The following IRAK2 variants were observed in gnomAD, a reference collection of about 807,000 sequenced individuals.
IRAK2 encodes the protein interleukin 1 receptor associated kinase 2, also known as interleukin-1 receptor-associated kinase-like 2.
A neutral mutation model predicts 72.0 loss-of-function variants in IRAK2; 57 were observed. The observed-to-expected ratio is 0.79, with a 90% CI of 0.64 to 0.99. The LOEUF is 0.99. Ranked by LOEUF, IRAK2 falls within the 50% of genes least tolerant of loss-of-function variation. The probability of loss-of-function intolerance (pLI) is 0.00; values close to 1 mark genes in which losing one functional copy is unlikely to be tolerated. For missense variants in IRAK2, 790 were observed against 794.4 expected (o/e 0.99, Z 0.07); for synonymous variants, 293 against 312.7 (o/e 0.94, Z 0.67).
chr3:10,169,922 T>A (rs2125138988), intron 1 of IRAK2, among the ~76,000 whole-genome samples: 1 of 152,302 alleles, frequency 6.6e-6, no homozygotes, highest in African/African-American at 2.4e-5. Flanking sequence ...AAGTATTAAT[T>A]TTGGGAACTG....
At chr3:10,237,994 C>T (rs1490332319) in intron 11 of IRAK2, among the ~76,000 whole-genome samples, 3 of 142,606 alleles carry the variant, frequency 2.1e-5, no homozygotes, top group South Asian at 2.3e-4. Context: ...TCCTTGCTTC[C>T]GTCTAATTTT....
Position 10,242,585 on chromosome 3 carries a change from T to A in IRAK2, c.*357T>A, listed in dbSNP as rs1477752452. 3 of 160,676 alleles carry A rather than the reference T, an allele frequency of 1.9e-5. No homozygotes were observed. Among genetic ancestry groups the A allele is most frequent in the Non-Finnish European group, 4.1e-5 (3 of 73,820 alleles). 10.0% of individuals were successfully genotyped at this position (160,676 alleles called of 1,614,324 possible). A position where few individuals can be genotyped will look rare whatever the true frequency, so the allele number is the denominator to read the frequency against. ...CAGCAGATTCCATTACCTCAGCAGC[T>A]CTTGTTCCCCCGCCACTGGCAGTTC... On this transcript the variant is annotated 3_prime_UTR_variant, in exon 13 of 13. Coordinates refer to ENST00000256458, the MANE Select transcript of IRAK2 (RefSeq NM_001570.4).
intron 2 of IRAK2, among the ~76,000 whole-genome samples, chr3:10,193,854 A>G (rs2125149260): frequency 6.6e-6 from 1 of 152,292 alleles, no homozygotes; most frequent in Admixed American, 6.5e-5. Flanking sequence ...CTGGGCTCCT[A>G]TGTTACTTTG....
intron 2 of IRAK2, among the ~76,000 whole-genome samples, chr3:10,179,357 C>T (rs2125143250): frequency 6.6e-6 from 1 of 151,306 alleles, no homozygotes; most frequent in African/African-American, 2.4e-5. Context: ...CCACAACCTC[C>T]ACCTCCCATG....
At chr3:10,204,551 C>A (rs1697408827) in intron 3 of IRAK2, among the ~76,000 whole-genome samples, 1 of 152,118 alleles carries the variant, frequency 6.6e-6, no homozygotes, top group Admixed American at 6.6e-5. Flanking sequence ...GAGTTCGAGA[C>A]CAGCCTGGTC....
intron 4 of IRAK2, among the ~76,000 whole-genome samples, chr3:10,211,479 G>A (rs561683335): frequency 1.4e-4 from 21 of 151,988 alleles, no homozygotes; most frequent in Admixed American, 4.6e-4. Context: ...TAAGCCAGGC[G>A]TGGTGGCACA....
chr3:10,223,480 C>T (rs1179730116), intron 9 of IRAK2, among the ~76,000 whole-genome samples: 11 of 152,220 alleles, frequency 7.2e-5, no homozygotes, highest in African/African-American at 2.2e-4. Context: ...TGTAGAACTC[C>T]AGTTCCTTCG....
rs552433576 is a variant in IRAK2, at chr3:10,227,020, A to G, written c.1272+587A>G. On this transcript the variant is annotated intron_variant, in intron 10 of 12. Transcript: ENST00000256458. ...TATAAAAGAGAAAGCACTTCTCTAT[A>G]TATCAGGCAATTCATTAGGGATTTT... 2.0e-5 allele frequency among the ~76,000 whole-genome samples: 3 copies of G among 152,116 alleles called. No homozygotes were observed. In the South Asian group the frequency reaches 6.2e-4, roughly 32 times the overall value.
intron 1 of IRAK2, among the ~76,000 whole-genome samples, chr3:10,165,430 GGGGT>G (rs1186467818): frequency 2.3e-4 from 33 of 145,478 alleles, no homozygotes; most frequent in South Asian, 1.4e-3. Context: ...ACTTCTTGGG[GGGGT>G]GTGTGTGTGT....
chr3:10,226,767 A>G (rs983363630), intron 10 of IRAK2, among the ~76,000 whole-genome samples: 5 of 151,744 alleles, frequency 3.3e-5, no homozygotes, highest in African/African-American at 1.2e-4. Flanking sequence ...AAAAAAAAGA[A>G]AAGAAAAAAC....
chr3:10,207,992 C>CAAAA (rs35298616), intron 3 of IRAK2, among the ~76,000 whole-genome samples: 3 of 94,996 alleles, frequency 3.2e-5, no homozygotes, highest in African/African-American at 4.2e-5. Context: ...ACTCTGTTTC[C>CAAAA]AAAAAAAAAA....
chr3:10,212,919 C>A (rs1697545091), intron 4 of IRAK2, among the ~76,000 whole-genome samples: 1 of 152,056 alleles, frequency 6.6e-6, no homozygotes, highest in Non-Finnish European at 1.5e-5. Context: ...CGCCCGCCAC[C>A]ACGCCTGGAT....
Position 10,184,723 on chromosome 3 carries a change from GTTTTTTT to G in IRAK2, c.277+6721_277+6727del, listed in dbSNP as rs55839723. ...CTGTTTTTTTGTGGAGTTTTTGTGT[GTTTTTTT>G]TTTTTTTTTTTTTTTTTGAGACGGA... is the stretch of plus-strand genomic sequence containing the variant. On this transcript the variant is annotated intron_variant, in intron 2 of 12. Coordinates refer to ENST00000256458, the MANE Select transcript of IRAK2 (RefSeq NM_001570.4). Among the ~76,000 whole-genome samples the G allele has an allele frequency of 1.0e-3, 102 of 102,018 alleles. 1 individual carries two copies. Among genetic ancestry groups the G allele is most frequent in the African/African-American group, 3.6e-3 (92 of 25,426 alleles). The allele number at this position is 102,018 out of a possible 152,430, so 66.9% of individuals were successfully genotyped here.
Position 10,177,940 on chromosome 3 carries a change from T to C in IRAK2, c.197T>C (p.Met66Thr). The stretch of plus-strand genomic sequence containing the variant: ...CGGGAGCTGCTGTGGTGGTGGGGCA[T>C]GCGGCAGGCCACCGTCCAGCAACTT... ...ITRELLWWWG[M>T]RQATVQQLVD... Residue 66 changes from methionine to threonine, a missense_variant, in exon 2 of 13, where the codon ATG becomes ACG. Physicochemically the swap from Met to Thr is moderately conservative, Grantham distance 81 (BLOSUM62 -1). Coordinates refer to ENST00000256458, the MANE Select transcript of IRAK2 (RefSeq NM_001570.4). 1 of 1,613,812 alleles carries C rather than the reference T, an allele frequency of 6.2e-7. No individual in the cohort carries two copies. Among genetic ancestry groups the C allele is most frequent in the Middle Eastern group, 1.7e-4 (1 of 6,058 alleles).
In IRAK2 at chr3:10,240,813, C is replaced by T. The variant is rs1698047466; in HGVS notation, c.1766-1303C>T. ...ACCTCAGGTGATCCGCCCACCTCGG[C>T]CTCCCAAAGTGCTAGGATTATAGGT... On this transcript the variant is annotated intron_variant, in intron 12 of 12. Coordinates refer to ENST00000256458, the MANE Select transcript of IRAK2 (RefSeq NM_001570.4). 3.3e-5 allele frequency among the ~76,000 whole-genome samples: 5 copies of T among 151,634 alleles called. No individual in the cohort carries two copies. In the South Asian group the frequency reaches 1.0e-3, roughly 32 times the overall value.
intron 2 of IRAK2, among the ~76,000 whole-genome samples, chr3:10,186,296 C>G (rs114743735): frequency 0.041 from 6,193 of 151,808 alleles, 219 homozygotes; most frequent in Non-Finnish European, 0.06. Flanking sequence ...CAGCTTTTAT[C>G]AGATTCAGCT....
intron 6 of IRAK2, 63 bp from the exon 7 acceptor site, chr3:10,216,871 C>T: frequency 8.1e-7 from 1 of 1,228,948 alleles, no homozygotes; most frequent in South Asian, 1.2e-5. Context: ...AGGGGTGGGA[C>T]ATGAGGAAGT....
chr3:10,198,292 G>A (rs755838899), intron 2 of IRAK2, among the ~76,000 whole-genome samples: 1 of 152,210 alleles, frequency 6.6e-6, no homozygotes, highest in Non-Finnish European at 1.5e-5. Flanking sequence ...ATCACCCCCC[G>A]ACATTCAGCC....
chr3:10,207,908 C>T (rs916652585), intron 3 of IRAK2, among the ~76,000 whole-genome samples: 3 of 148,740 alleles, frequency 2.0e-5, no homozygotes, highest in Admixed American at 6.9e-5. Context: ...AGGAGAATCG[C>T]TTGAACCTGG....
Sources: gnomAD v4.1 joint callset for allele counts (sites outside exome capture counted in the v4.1 genomes callset) on GRCh38, gnomAD v4.1.1 for gene constraint, MANE v1.5 for transcripts, NCBI Gene and HGNC (gene_info 2026-07-23, HGNC 2026-07-21) for gene names.